Variants in CASD1 observed in about 807,000 individuals in gnomAD.
The protein encoded by CASD1 is CAS1 domain sialic acid O acetyltransferase 1, also known as N-acetylneuraminate (7)9-O-acetyltransferase.
A neutral mutation model predicts 100.0 loss-of-function variants in CASD1; 41 were observed. That is an observed-to-expected ratio of 0.41 (90% CI 0.32 to 0.53). CASD1 has a LOEUF of 0.53. Among genes scored for constraint, CASD1 ranks in the 20% least tolerant of loss-of-function variants. The pLI is 0.25. For synonymous variants in CASD1, 321 were observed against 315.6 expected, an observed-to-expected ratio of 1.02 and a Z score of -0.18; for missense variants, 774 against 948.7, an observed-to-expected ratio of 0.82 and a Z score of 2.42.
At chr7:94,603,139 C>T in the CASD1 span, 12 of 624,340 alleles carry the variant, frequency 1.9e-5, no homozygotes, top group South Asian at 5.8e-5. Flanking sequence ...GCACTGTCAA[C>T]GAGCTTACCA....
the CASD1 span, among the ~76,000 whole-genome samples, chr7:94,610,261 TATG>T: frequency 2.0e-5 from 3 of 152,174 alleles, no homozygotes; most frequent in African/African-American, 7.2e-5. Flanking sequence ...AACTACTCTG[TATG>T]ATACTATAAT....
At chr7:94,619,135 AT>A in the CASD1 span, 1 of 606,702 alleles carries the variant, frequency 1.6e-6, no homozygotes, top group Non-Finnish European at 2.9e-6. Flanking sequence ...CATAACTGAC[AT>A]TAGAAACAGA....
downstream of CASD1, among the ~76,000 whole-genome samples, chr7:94,557,705 T>G (rs1160686195): frequency 6.6e-6 from 1 of 151,984 alleles, no homozygotes; most frequent in Admixed American, 6.6e-5. Flanking sequence ...GCCCTGTTTC[T>G]TCATCACTTG....
intron 10 of CASD1, among the ~76,000 whole-genome samples, chr7:94,540,485 T>C (rs1370460794): frequency 1.3e-5 from 2 of 152,214 alleles, no homozygotes; most frequent in Admixed American, 1.3e-4. Flanking sequence ...TATGATTTTA[T>C]GAATTATTTA....
chr7:94,567,929 T>C, the CASD1 span, among the ~76,000 whole-genome samples: 10 of 152,196 alleles, frequency 6.6e-5, no homozygotes, highest in Non-Finnish European at 1.5e-4. Flanking sequence ...AAATATATAT[T>C]CCTTTAACAT....
chr7:94,598,824 G>C, the CASD1 span: 1 of 1,613,258 alleles, frequency 6.2e-7, no homozygotes, highest in Non-Finnish European at 8.5e-7. Flanking sequence ...TTGTCTGTGT[G>C]TAAAGGAGGT....
chr7:94,540,424 A>T (rs1314718854), intron 10 of CASD1, among the ~76,000 whole-genome samples: 1 of 152,168 alleles, frequency 6.6e-6, no homozygotes, highest in African/African-American at 2.4e-5. Context: ...TATCTCTAAC[A>T]ATTGAAGGAT....
At chr7:94,554,342 CT>C (rs1796100901) in intron 16 of CASD1, 140 bp from the exon 17 acceptor site, 1 of 563,326 alleles carries the variant, frequency 1.8e-6, no homozygotes, top group Non-Finnish European at 3.1e-6. Context: ...CTTTCTAATA[CT>C]TTTAGAATAT....
intron 3 of CASD1, among the ~76,000 whole-genome samples, chr7:94,521,298 GA>G (rs1794254341): frequency 1.3e-5 from 2 of 152,078 alleles, no homozygotes; most frequent in East Asian, 1.9e-4. Flanking sequence ...GAAATGTTCA[GA>G]AAAAAATTAT....
chr7:94,577,291 C>A, the CASD1 span, among the ~76,000 whole-genome samples: 2 of 152,214 alleles, frequency 1.3e-5, no homozygotes, highest in Non-Finnish European at 2.9e-5. Context: ...GATTATCCTC[C>A]CCACTTCTGC....
rs1436085240 is a variant in CASD1 at position 94,556,849 on chromosome 7, A to G, written c.*1091A>G. The G allele has an allele frequency of 6.6e-6, 1 of 151,988 alleles. No homozygotes were observed. Among genetic ancestry groups the G allele is most frequent in the Non-Finnish European group, 1.5e-5 (1 of 67,918 alleles). The allele number at this position is 151,988 out of a possible 1,614,324, so 9.4% of individuals were successfully genotyped here. On this transcript the variant is annotated 3_prime_UTR_variant, in exon 18 of 18. Transcript: ENST00000297273. ...TTGTACAGATTTGATTATGATTTTA[A>G]TGTTTGAAAGATTGCACTTGTTTGC...
intron 3 of CASD1, among the ~76,000 whole-genome samples, chr7:94,526,631 T>A (rs1297360577): frequency 1.3e-5 from 2 of 151,990 alleles, no homozygotes; most frequent in African/African-American, 2.4e-5. Flanking sequence ...CTACAAAAAA[T>A]TTTTTTAAAA....
the CASD1 span, among the ~76,000 whole-genome samples, chr7:94,604,861 T>A: frequency 4.3e-5 from 3 of 69,324 alleles, no homozygotes; most frequent in Admixed American, 4.7e-4. Context: ...ATATATATAA[T>A]AGTTGTTATA....
the CASD1 span, among the ~76,000 whole-genome samples, chr7:94,567,007 C>A: frequency 6.2e-4 from 94 of 152,186 alleles, 1 homozygote; most frequent in East Asian, 0.016. Context: ...TTTGTACTCT[C>A]AATCATCCAA....
chr7:94,595,738 G>A, the CASD1 span, among the ~76,000 whole-genome samples: 1 of 152,096 alleles, frequency 6.6e-6, no homozygotes, highest in Non-Finnish European at 1.5e-5. Flanking sequence ...ATAAAGGACA[G>A]CTATGATGAA....
At chr7:94,619,601 C>T in the CASD1 span, 1 of 152,220 alleles carries the variant, frequency 6.6e-6, no homozygotes, top group Non-Finnish European at 1.5e-5. Context: ...AATTACAAAT[C>T]ATCACTCTCT....
the CASD1 span, among the ~76,000 whole-genome samples, chr7:94,631,163 A>G: frequency 2.0e-5 from 3 of 152,104 alleles, no homozygotes; most frequent in Admixed American, 1.3e-4. Flanking sequence ...TAGTATTCAT[A>G]AGTGATCTTC....
the CASD1 span, among the ~76,000 whole-genome samples, chr7:94,562,518 A>T: frequency 6.6e-6 from 1 of 152,160 alleles, no homozygotes; most frequent in Non-Finnish European, 1.5e-5. Context: ...TGCTCACGAA[A>T]TGTCCCTATA....
At position 94,547,090 on chromosome 7, in the gene CASD1, T is replaced by G. The variant is rs1478672450; in HGVS notation, c.1634-6T>G. On this transcript the variant is annotated splice_polypyrimidine_tract_variant and splice_region_variant and intron_variant, in intron 12 of 17. Coordinates refer to ENST00000297273, the MANE Select transcript of CASD1 (RefSeq NM_022900.5). ...TTTTTAGTAAATTAAATATTTTCTC[T>G]CTTAGGAAATTGTTTCTGGCATTTT... 6.4e-7 allele frequency: 1 copy of G among 1,558,270 alleles called. No homozygotes were observed. Among genetic ancestry groups the G allele is most frequent in the Non-Finnish European group, 8.7e-7 (1 of 1,145,412 alleles).
Sources: gnomAD v4.1 joint callset for allele counts (sites outside exome capture counted in the v4.1 genomes callset) on GRCh38, gnomAD v4.1.1 for gene constraint, MANE v1.5 for transcripts, NCBI Gene and HGNC (gene_info 2026-07-23, HGNC 2026-07-21) for gene names.